The following WWOX variants were observed in gnomAD, a reference collection of about 807,000 sequenced individuals.
WWOX encodes WW domain-containing oxidoreductase.
A neutral mutation model predicts 46.2 loss-of-function variants in WWOX; 69 were observed. That is an observed-to-expected ratio of 1.49 (90% CI 1.23 to 1.82). The LOEUF (loss-of-function observed/expected upper bound fraction) is 1.82, where lower values mean the gene tolerates loss of function less well. WWOX is among the 40% of genes most tolerant of loss of function. The pLI, the probability that WWOX is intolerant of heterozygous loss-of-function variation, is 0.00. For synonymous variants in WWOX, 359 were observed against 202.6 expected (o/e 1.77, Z -6.56); for missense variants, 919 against 542.6 (o/e 1.69, Z -6.89).
intron 8 of WWOX, among the ~76,000 whole-genome samples, chr16:78,562,929 C>G (rs1209634011): frequency 6.6e-6 from 1 of 152,098 alleles, no homozygotes; most frequent in Non-Finnish European, 1.5e-5. Context: ...AGAACTTGAG[C>G]AAACTCTTAC....
rs971434390 is a variant in WWOX at position 78,359,727 on chromosome 16, C to T, written c.517-27133C>T. 4.6e-5 allele frequency among the ~76,000 whole-genome samples: 7 copies of T among 152,308 alleles called. 1 individual carries two copies. The South Asian group carries it at 8.3e-4, about 18-fold the overall frequency. On this transcript the variant is annotated intron_variant, in intron 5 of 8. Coordinates refer to ENST00000566780, the MANE Select transcript of WWOX (RefSeq NM_016373.4). Reference sequence around the variant, plus strand: ...AAAAACACAACCTTTTACGAGACAACGTGATGTGCATGAGAAGCCCTGATG... The same window carrying T: ...AAAAACACAACCTTTTACGAGACAATGTGATGTGCATGAGAAGCCCTGATG...
At chr16:78,711,883 A>G (rs1016062679) in intron 8 of WWOX, among the ~76,000 whole-genome samples, 1 of 152,138 alleles carries the variant, frequency 6.6e-6, no homozygotes, top group Non-Finnish European at 1.5e-5. Context: ...CCCTCAGTGC[A>G]CGCGCCATCT....
intron 8 of WWOX, among the ~76,000 whole-genome samples, chr16:78,848,388 C>T (rs2151177265): frequency 1.3e-5 from 2 of 152,268 alleles, no homozygotes; most frequent in African/African-American, 4.8e-5. Context: ...TGGAACTTGG[C>T]TTTTGGACTA....
chr16:78,659,728 G>T (rs917907117), intron 8 of WWOX, among the ~76,000 whole-genome samples: 1 of 152,118 alleles, frequency 6.6e-6, no homozygotes, highest in Non-Finnish European at 1.5e-5. Context: ...TTAGAAAAAT[G>T]ACAATGTTCA....
At chr16:78,936,677 G>GT (rs2045744262) in intron 8 of WWOX, among the ~76,000 whole-genome samples, 2 of 151,900 alleles carry the variant, frequency 1.3e-5, no homozygotes, top group African/African-American at 4.8e-5. Flanking sequence ...GGAAAGCAAC[G>GT]TACCCTAGGT....
chr16:78,702,601 G>C (rs1211020783), intron 8 of WWOX, among the ~76,000 whole-genome samples: 2 of 151,426 alleles, frequency 1.3e-5, no homozygotes, highest in Non-Finnish European at 2.9e-5. Context: ...GTTGTAGTGA[G>C]CTGAGATTGC....
intron 8 of WWOX, among the ~76,000 whole-genome samples, chr16:78,992,239 C>T (rs888332647): frequency 5.3e-5 from 8 of 152,114 alleles, no homozygotes; most frequent in African/African-American, 1.9e-4. Flanking sequence ...TTTGGTCACC[C>T]CTTCTGTAAG....
At chr16:79,159,869 C>G (rs376002602) in intron 8 of WWOX, among the ~76,000 whole-genome samples, 4 of 152,128 alleles carry the variant, frequency 2.6e-5, no homozygotes, top group African/African-American at 9.7e-5. Context: ...GGCTTGTCAG[C>G]TTGGGGTGTA....
At chr16:79,052,820 C>T (rs1032071109) in intron 8 of WWOX, among the ~76,000 whole-genome samples, 13 of 152,138 alleles carry the variant, frequency 8.5e-5, no homozygotes, top group African/African-American at 2.7e-4. Context: ...TTCTTTATGG[C>T]ACTGAGGAGC....
intron 8 of WWOX, chr16:78,890,770 C>T (rs1007443550): frequency 3.9e-5 from 6 of 152,180 alleles, no homozygotes; most frequent in African/African-American, 1.4e-4. Flanking sequence ...TAAATGCCAG[C>T]CTTAGCCTTG....
rs75671297 is a variant in WWOX at position 78,548,408 on chromosome 16, A to G, written c.1056+115656A>G. On this transcript the variant is annotated intron_variant, in intron 8 of 8. Transcript: ENST00000566780. Reference sequence around the variant, plus strand: ...ACGCAGAGCAGAATCCGAATTTTCTAAGTGATGAACATGTTAACATATTAT... The same window carrying G: ...ACGCAGAGCAGAATCCGAATTTTCTGAGTGATGAACATGTTAACATATTAT... Among the ~76,000 whole-genome samples the G allele has an allele frequency of 4.0e-4, 61 of 152,264 alleles. 1 individual carries two copies. The East Asian group carries it at 0.012, about 29-fold the overall frequency.
chr16:78,992,433 C>T (rs1314982674), intron 8 of WWOX, among the ~76,000 whole-genome samples: 4 of 152,168 alleles, frequency 2.6e-5, no homozygotes, highest in Non-Finnish European at 4.4e-5. Flanking sequence ...CGCCTCTGCA[C>T]TCCAGCCTGG....
chr16:79,180,674 C>T (rs1024465881), intron 8 of WWOX, among the ~76,000 whole-genome samples: 1 of 152,138 alleles, frequency 6.6e-6, no homozygotes, highest in Admixed American at 6.5e-5. Context: ...TCTCTTCTCT[C>T]TCTCTTTCTC....
At chr16:79,134,283 G>C (rs1007682931) in intron 8 of WWOX, among the ~76,000 whole-genome samples, 1 of 152,096 alleles carries the variant, frequency 6.6e-6, no homozygotes, top group Non-Finnish European at 1.5e-5. Flanking sequence ...TGGGACTGGT[G>C]GCACAGGCAG....
At chr16:79,148,891 T>C (rs1206368741) in intron 8 of WWOX, among the ~76,000 whole-genome samples, 3 of 145,930 alleles carry the variant, frequency 2.1e-5, no homozygotes, top group Non-Finnish European at 4.5e-5. Context: ...TTGCATTTAT[T>C]ATAAAGTTCC....
intron 8 of WWOX, among the ~76,000 whole-genome samples, chr16:79,199,476 G>A (rs1003617059): frequency 1.3e-5 from 2 of 152,170 alleles, no homozygotes; most frequent in African/African-American, 2.4e-5. Context: ...TTAGCAGGAG[G>A]CCGCCAGGTG....
intron 8 of WWOX, among the ~76,000 whole-genome samples, chr16:79,189,624 T>A (rs945593048): frequency 6.6e-6 from 1 of 152,102 alleles, no homozygotes; most frequent in African/African-American, 2.4e-5. Flanking sequence ...TTTTGAGGAA[T>A]AATTATTTCT....
intron 8 of WWOX, among the ~76,000 whole-genome samples, chr16:79,048,974 C>T (rs2150524998): frequency 6.6e-6 from 1 of 152,288 alleles, no homozygotes; most frequent in South Asian, 2.1e-4. Context: ...CATGATTCCT[C>T]TATTCCCTGG....
At chr16:79,101,601 C>G (rs2049195007) in intron 8 of WWOX, 1 of 152,046 alleles carries the variant, frequency 6.6e-6, no homozygotes, top group Admixed American at 6.5e-5. Context: ...TCATTCAAGC[C>G]AATGCAGGAA....
Sources: gnomAD v4.1 joint callset for allele counts (sites outside exome capture counted in the v4.1 genomes callset) on GRCh38, gnomAD v4.1.1 for gene constraint, MANE v1.5 for transcripts, NCBI Gene and HGNC (gene_info 2026-07-23, HGNC 2026-07-21) for gene names.